Variants in SORBS2 observed in about 807,000 individuals in gnomAD.
SORBS2 encodes sorbin and SH3 domain containing 2.
SORBS2 carries 46 observed loss-of-function variants against 97.7 expected under a neutral mutation model. The ratio of observed to expected loss-of-function variants is 0.47; its 90% CI spans 0.37 to 0.60. The LOEUF (loss-of-function observed/expected upper bound fraction) is 0.60. SORBS2 is among the 20% of genes least tolerant of loss of function. SORBS2 has a pLI of 0.00. For synonymous variants in SORBS2, 476 were observed against 473.4 expected (o/e 1.01, Z -0.07); for missense variants, 1,316 against 1,282.3 (o/e 1.03, Z -0.40).
intron 1 of SORBS2, among the ~76,000 whole-genome samples, chr4:185,846,128 C>T (rs2099214388): frequency 6.6e-6 from 1 of 152,182 alleles, no homozygotes; most frequent in South Asian, 2.1e-4. Flanking sequence ...TTCATGGTCA[C>T]TAAAACCTGG....
At position 185,684,948 on chromosome 4, in the gene SORBS2, T is replaced by G. The variant is rs2097927147; in HGVS notation, c.-197-6126A>C. The G allele has an allele frequency of 6.9e-6, 6 of 864,274 alleles. 1 individual carries two copies. In the South Asian group the frequency reaches 9.5e-5, roughly 14 times the overall value. The allele number at this position is 864,274 out of a possible 1,614,324, so 53.5% of individuals were successfully genotyped here. A position where few individuals can be genotyped will look rare whatever the true frequency, so the allele number is the denominator to read the frequency against. ...ATGTGCCAGACATCCATGAGAAAGATGAACAGTTAGAATTAGTAATCATGG... is the reference window on the plus strand; with the variant it reads ...ATGTGCCAGACATCCATGAGAAAGAGGAACAGTTAGAATTAGTAATCATGG... On this transcript the variant is annotated intron_variant, in intron 2 of 20. Transcript: ENST00000284776. The surrounding 1 kb of genome is among the most constrained non-coding windows in gnomAD (Gnocchi z 4.2).
chr4:185,700,718 G>C (rs2098248822), intron 2 of SORBS2, among the ~76,000 whole-genome samples: 1 of 152,122 alleles, frequency 6.6e-6, no homozygotes, highest in Non-Finnish European at 1.5e-5. Context: ...CTAGAAATAA[G>C]GGGTTTAAGA....
intron 2 of SORBS2, among the ~76,000 whole-genome samples, chr4:185,723,591 C>T (rs928363634): frequency 1.3e-5 from 2 of 152,180 alleles, no homozygotes; most frequent in African/African-American, 4.8e-5. Context: ...CTATTCATTT[C>T]CTTAGAGTAA....
At chr4:185,699,846 T>G (rs1382219715) in intron 2 of SORBS2, among the ~76,000 whole-genome samples, 3 of 152,230 alleles carry the variant, frequency 2.0e-5, no homozygotes, top group Non-Finnish European at 4.4e-5. Context: ...TATTAATATT[T>G]ATATACTGCT....
chr4:185,725,352 G>A (rs556454232), intron 2 of SORBS2, among the ~76,000 whole-genome samples: 43 of 152,284 alleles, frequency 2.8e-4, no homozygotes, highest in African/African-American at 8.7e-4. Flanking sequence ...AAGGAGAAGC[G>A]GCATTTGAGA....
intron 1 of SORBS2, among the ~76,000 whole-genome samples, chr4:185,803,076 G>A (rs1322883141): frequency 6.6e-6 from 1 of 152,130 alleles, no homozygotes; most frequent in Non-Finnish European, 1.5e-5. Flanking sequence ...CAAATACTTA[G>A]AGGGCCAGAG....
At chr4:185,825,212 G>GTTT (rs146561971) in intron 1 of SORBS2, among the ~76,000 whole-genome samples, 58 of 147,576 alleles carry the variant, frequency 3.9e-4, no homozygotes, top group African/African-American at 1.4e-3. Context: ...TCTGTTTTTT[G>GTTT]TTTTTTTTTT....
Position 185,690,921 on chromosome 4 carries a change from AC to A in SORBS2, c.-197-12100del, listed in dbSNP as rs1582825813. Among the ~76,000 whole-genome samples, 6 of 148,488 alleles carry A rather than the reference AC, an allele frequency of 4.0e-5. No homozygotes were observed. In the East Asian group the frequency reaches 1.2e-3, roughly 29 times the overall value. ...TTTTTTCTTTCTTTTTTTTTTTGAGACAGAGTCCGCCACTGTCGCCCAGGCC... is the reference window on the plus strand; with the variant it reads ...TTTTTTCTTTCTTTTTTTTTTTGAGAAGAGTCCGCCACTGTCGCCCAGGCC... On this transcript the variant is annotated intron_variant, in intron 2 of 20. Transcript: ENST00000284776.
chr4:185,818,781 G>T (rs1025868716), intron 1 of SORBS2, among the ~76,000 whole-genome samples: 1 of 151,296 alleles, frequency 6.6e-6, no homozygotes, highest in Non-Finnish European at 1.5e-5. Context: ...AGCCGAGATC[G>T]TGCCACTGCA....
rs116418574 is a variant in SORBS2 at position 185,690,486 on chromosome 4, C to G, written c.-197-11664G>C. ...AATCACATTTAGGATCAGAAGAGTG[C>G]TAAACTAATGATTTAGGGCCAACAT... On this transcript the variant is annotated intron_variant, in intron 2 of 20. Coordinates refer to the SORBS2 transcript ENST00000284776. 864 of 885,134 alleles carry G rather than the reference C, an allele frequency of 9.8e-4. 5 individuals carry two copies. The African/African-American group carries it at 0.013, about 14-fold the overall frequency. The allele number at this position is 885,134 out of a possible 1,614,324, so 54.8% of individuals were successfully genotyped here. A position where few individuals can be genotyped will look rare whatever the true frequency, so the allele number is the denominator to read the frequency against.
chr4:185,935,948 C>T (rs188427679), intron 1 of SORBS2, among the ~76,000 whole-genome samples: 118 of 152,268 alleles, frequency 7.7e-4, no homozygotes, highest in African/African-American at 2.6e-3. Context: ...TTCTCCCAGG[C>T]TCAAGTGATT....
chr4:185,755,466 A>G (rs1303245459), intron 2 of SORBS2, among the ~76,000 whole-genome samples: 1 of 152,268 alleles, frequency 6.6e-6, no homozygotes, highest in African/African-American at 2.4e-5. Flanking sequence ...CCAGAAGCAT[A>G]CACAAATGTG....
chr4:185,947,907 C>T (rs568803538), intron 1 of SORBS2, among the ~76,000 whole-genome samples: 13 of 150,024 alleles, frequency 8.7e-5, no homozygotes, highest in African/African-American at 3.0e-4. Context: ...CACTACGCCC[C>T]GCCCTCTTGA....
At chr4:185,590,877 A>G (rs1433333391) in intron 13 of SORBS2, among the ~76,000 whole-genome samples, 1 of 152,192 alleles carries the variant, frequency 6.6e-6, no homozygotes, top group Non-Finnish European at 1.5e-5. Context: ...GGGTTTTTAA[A>G]AATTGGGAAT....
intron 1 of SORBS2, chr4:185,919,280 CAA>C (rs1254031569): frequency 6.6e-6 from 1 of 152,078 alleles, no homozygotes; most frequent in Non-Finnish European, 1.5e-5. Flanking sequence ...CTAGAAATCC[CAA>C]AACTCTTACT....
chr4:185,686,919 C>T (rs191143917), intron 2 of SORBS2, among the ~76,000 whole-genome samples: 1 of 152,248 alleles, frequency 6.6e-6, no homozygotes, highest in East Asian at 1.9e-4. Context: ...GAACTACTTG[C>T]TTGGGGCAGT....
chr4:185,591,207 A>C (rs1384519380), intron 13 of SORBS2, among the ~76,000 whole-genome samples: 2 of 152,202 alleles, frequency 1.3e-5, no homozygotes, highest in Non-Finnish European at 1.5e-5. Flanking sequence ...ATGCCTAACA[A>C]CATCCCCTAG....
chr4:185,594,060 G>T (rs1027605639), intron 12 of SORBS2, 125 bp from the exon 25 acceptor site: 16 of 653,612 alleles, frequency 2.4e-5, no homozygotes, highest in Non-Finnish European at 4.3e-5. Flanking sequence ...CCAAGAGGAA[G>T]AAAAAAACCA....
chr4:185,693,306 G>A (rs985832008), intron 2 of SORBS2, among the ~76,000 whole-genome samples: 1 of 152,128 alleles, frequency 6.6e-6, no homozygotes, highest in Non-Finnish European at 1.5e-5. Flanking sequence ...TAAAAACTCA[G>A]CTTGGTAGCC....
Sources: gnomAD v4.1 joint callset for allele counts (sites outside exome capture counted in the v4.1 genomes callset) on GRCh38, gnomAD v4.1.1 for gene constraint, Gnocchi (gnomAD v3.1) non-coding constraint, MANE v1.5 for transcripts, NCBI Gene and HGNC (gene_info 2026-07-23, HGNC 2026-07-21) for gene names.